CACNA2D3: variants seen among roughly 807,000 people sequenced by gnomAD.
CACNA2D3 encodes voltage-dependent calcium channel subunit alpha-2/delta-3.
CACNA2D3 carries 60 observed loss-of-function variants against 160.6 expected under a neutral mutation model. The ratio of observed to expected loss-of-function variants is 0.37; its 90% CI spans 0.30 to 0.46. The LOEUF (loss-of-function observed/expected upper bound fraction) is 0.46. CACNA2D3 is among the 20% of genes least tolerant of loss of function. The pLI is 1.00. For synonymous variants in CACNA2D3, 558 were observed against 492.9 expected, an observed-to-expected ratio of 1.13 and a Z score of -1.75; for missense variants, 1,205 against 1,365.0, an observed-to-expected ratio of 0.88 and a Z score of 1.85.
intron 11 of CACNA2D3, among the ~76,000 whole-genome samples, chr3:54,695,255 C>A (rs747689053): frequency 6.6e-6 from 1 of 152,016 alleles, no homozygotes; most frequent in Non-Finnish European, 1.5e-5. Context: ...TGACCTCAGG[C>A]GATCCACCTG....
At chr3:54,440,732 C>T (rs545974926) in intron 4 of CACNA2D3, among the ~76,000 whole-genome samples, 3 of 151,904 alleles carry the variant, frequency 2.0e-5, no homozygotes, top group African/African-American at 4.8e-5. Flanking sequence ...TGAGAACATG[C>T]GGTGTTTGGT....
intron 35 of CACNA2D3, among the ~76,000 whole-genome samples, chr3:55,057,866 T>G (rs1704402453): frequency 6.6e-6 from 1 of 152,216 alleles, no homozygotes. Context: ...TTTTTTCCTA[T>G]TTAGAATACA....
At chr3:54,225,590 C>T (rs570021316) in intron 2 of CACNA2D3, among the ~76,000 whole-genome samples, 24 of 152,284 alleles carry the variant, frequency 1.6e-4, no homozygotes, top group South Asian at 6.2e-4. Flanking sequence ...TACTGTTAAA[C>T]ACATCTTTTG....
chr3:54,642,319 A>G, intron 11 of CACNA2D3, 78 bp downstream of exon 11: 1 of 785,556 alleles, frequency 1.3e-6, no homozygotes, highest in Non-Finnish European at 2.0e-6. Flanking sequence ...TCCATGAGTA[A>G]GTGCCTCATG....
At chr3:54,509,558 G>T (rs889441325) in intron 5 of CACNA2D3, among the ~76,000 whole-genome samples, 3 of 152,162 alleles carry the variant, frequency 2.0e-5, no homozygotes, top group Admixed American at 6.5e-5. Flanking sequence ...CATTGCTCTG[G>T]ACCTAGAGAA....
chr3:55,021,031 C>G (rs553419813), intron 35 of CACNA2D3, among the ~76,000 whole-genome samples: 3 of 152,182 alleles, frequency 2.0e-5, no homozygotes, highest in African/African-American at 7.2e-5. Flanking sequence ...TTCCCTCTTT[C>G]TGTAATATCT....
intron 4 of CACNA2D3, among the ~76,000 whole-genome samples, chr3:54,440,487 A>C (rs1259012288): frequency 1.3e-5 from 2 of 152,006 alleles, no homozygotes; most frequent in Non-Finnish European, 2.9e-5. Context: ...TAAAAAAATT[A>C]TTTTTATTTT....
chr3:54,476,249 C>CGT (rs368587312), intron 4 of CACNA2D3, among the ~76,000 whole-genome samples: 147 of 142,476 alleles, frequency 1.0e-3, no homozygotes, highest in Non-Finnish European at 1.6e-3. Flanking sequence ...AATATTCCTG[C>CGT]GTGTGTGTGT....
chr3:54,972,913 G>T (rs1319532921), intron 29 of CACNA2D3, among the ~76,000 whole-genome samples: 2 of 152,064 alleles, frequency 1.3e-5, no homozygotes, highest in South Asian at 2.1e-4. Flanking sequence ...CCCTTCTTAG[G>T]CACCTGGTGC....
intron 3 of CACNA2D3, among the ~76,000 whole-genome samples, chr3:54,333,163 G>A (rs188884393): frequency 2.6e-5 from 4 of 152,198 alleles, no homozygotes; most frequent in Admixed American, 1.3e-4. Context: ...GGGGCATGGT[G>A]TGGTGGAATA....
rs1575351425 is a variant in CACNA2D3, at chr3:54,569,573, C to T, written c.677-222C>T. Among the ~76,000 whole-genome samples the T allele has an allele frequency of 5.3e-5, 8 of 152,326 alleles. 1 individual carries two copies. Among genetic ancestry groups the T allele is most frequent in the Admixed American group, 5.2e-4 (8 of 15,298 alleles). On this transcript the variant is annotated intron_variant, in intron 6 of 37. Coordinates refer to ENST00000474759, the MANE Select transcript of CACNA2D3 (RefSeq NM_018398.3). ...GTCCTAAAAACATCTCCACTCTCTG[C>T]AGGCCTTTGGAGAAGCTGAGCTAGC...
chr3:54,472,862 A>G (rs980387855), intron 4 of CACNA2D3, among the ~76,000 whole-genome samples: 1 of 152,238 alleles, frequency 6.6e-6, no homozygotes, highest in Admixed American at 6.5e-5. Flanking sequence ...GAGAACTACA[A>G]ACCACTGCTC....
chr3:54,413,665 A>G (rs984394398), intron 4 of CACNA2D3, among the ~76,000 whole-genome samples: 1 of 149,898 alleles, frequency 6.7e-6, no homozygotes, highest in African/African-American at 2.4e-5. Context: ...TTTCTTCTGT[A>G]CTCTCCAATC....
At chr3:54,419,062 A>T (rs1401467439) in intron 4 of CACNA2D3, among the ~76,000 whole-genome samples, 1 of 152,192 alleles carries the variant, frequency 6.6e-6, no homozygotes, top group East Asian at 1.9e-4. Context: ...CAAGAGTTAG[A>T]TATGCAGTAG....
chr3:54,980,633 C>G (rs1001571221), intron 29 of CACNA2D3, among the ~76,000 whole-genome samples: 5 of 152,184 alleles, frequency 3.3e-5, no homozygotes, highest in African/African-American at 9.7e-5. Flanking sequence ...TAATTATGTA[C>G]TAGGTGCCGA....
chr3:54,275,954 T>C (rs1443366296), intron 2 of CACNA2D3, among the ~76,000 whole-genome samples: 1 of 152,180 alleles, frequency 6.6e-6, no homozygotes, highest in African/African-American at 2.4e-5. Flanking sequence ...CTACTGGGGA[T>C]AAAGTTGCAG....
chr3:54,800,439 G>A (rs549956359), intron 13 of CACNA2D3, among the ~76,000 whole-genome samples: 206 of 152,226 alleles, frequency 1.4e-3, no homozygotes, highest in African/African-American at 4.8e-3. Flanking sequence ...CTTTTCAGCC[G>A]GATGATCACC....
At chr3:54,356,208 A>G (rs1698646786) in intron 3 of CACNA2D3, among the ~76,000 whole-genome samples, 1 of 152,202 alleles carries the variant, frequency 6.6e-6, no homozygotes, top group Non-Finnish European at 1.5e-5. Context: ...CATTCACCAG[A>G]GAGAGAACTT....
intron 21 of CACNA2D3, among the ~76,000 whole-genome samples, chr3:54,883,711 C>T (rs1322923223): frequency 6.6e-6 from 1 of 151,682 alleles, no homozygotes; most frequent in African/African-American, 2.4e-5. Context: ...GCCATGAGCA[C>T]CCTTCCTGCC....
Sources: gnomAD v4.1 joint callset for allele counts (sites outside exome capture counted in the v4.1 genomes callset) on GRCh38, gnomAD v4.1.1 for gene constraint, MANE v1.5 for transcripts, NCBI Gene and HGNC (gene_info 2026-07-23, HGNC 2026-07-21) for gene names.